The following PCM1 variants were observed in gnomAD, a reference collection of about 807,000 sequenced individuals.
PCM1 encodes the protein pericentriolar material 1.
Under a neutral mutation model 241.9 loss-of-function variants are expected in PCM1, and 157 were observed. That is an observed-to-expected ratio of 0.65 (90% CI 0.57 to 0.74). PCM1 has a LOEUF of 0.74. Among genes scored for constraint, PCM1 ranks in the 30% least tolerant of loss-of-function variants. The pLI is 0.00. For synonymous variants in PCM1, 1,085 were observed against 784.9 expected, an observed-to-expected ratio of 1.38 and a Z score of -6.39; for missense variants, 3,478 against 2,360.1, an observed-to-expected ratio of 1.47 and a Z score of -9.81.
At position 18,027,317 on chromosome 8, in the gene PCM1, T is replaced by C. The variant is rs140822138; in HGVS notation, c.6050-320T>C. Among the ~76,000 whole-genome samples, 88 of 152,348 alleles carry C rather than the reference T, an allele frequency of 5.8e-4. No homozygotes were observed. The East Asian group carries it at 0.015, about 27-fold the overall frequency. On this transcript the variant is annotated intron_variant, in intron 38 of 38. Transcript: ENST00000325083. ...ATCTGCATTGAGCATTCTGGTAATT[T>C]GTTGATATCCCCTCTTCTGTTTTCT...
chr8:17,969,643 G>C lies in PCM1; in HGVS notation c.3479G>C (p.Ser1160Thr), dbSNP rs1358072584. The part of the protein sequence containing the change: ...GDFSQNISTP[S>T]EQQQPLAQNS... ...TTTTCTCAGAATATCTCTACACCCA[G>C]TGAACAGCAGCAACCCTTAGCCCAG... The change falls in exon 22 of 39, where the codon AGT becomes ACT. Residue 1160 changes from serine (S) to threonine (T), a missense_variant. By Grantham distance (58) the Ser-to-Thr change is moderately conservative. Coordinates refer to ENST00000325083, the MANE Select transcript of PCM1 (RefSeq NM_006197.4). The C allele has an allele frequency of 2.5e-6, 4 of 1,612,476 alleles. No individual in the cohort carries two copies. Among genetic ancestry groups the C allele is most frequent in the South Asian group, 2.2e-5 (2 of 90,966 alleles).
intron 29 of PCM1, 148 bp downstream of exon 29, chr8:17,993,767 C>A: frequency 1.7e-6 from 1 of 575,190 alleles, no homozygotes; most frequent in Non-Finnish European, 2.9e-6. Context: ...TACCAACATT[C>A]TCTGAACCTT....
At chr8:18,007,008 C>T (rs2091515904) in intron 30 of PCM1, among the ~76,000 whole-genome samples, 1 of 152,118 alleles carries the variant, frequency 6.6e-6, no homozygotes, top group South Asian at 2.1e-4. Context: ...CAGGACAGTA[C>T]CCCATAGCAA....
rs373217821 is a variant in PCM1, at chr8:17,966,247, C to T, written c.3075+29C>T. The T allele has an allele frequency of 3.5e-5, 57 of 1,606,930 alleles. No individual in the cohort carries two copies. In the Middle Eastern group the frequency reaches 6.6e-4, roughly 19 times the overall value. ...AAATTTGCTATGAAAGTATATTTTT[C>T]GTCTATTTTTATAACTTCTGAAGCA... On this transcript the variant is annotated intron_variant, in intron 19 of 38. Transcript: ENST00000325083.
In PCM1 at chr8:18,028,823, T is replaced by TA. The variant is rs1370904575; in HGVS notation, c.*1168dup. 4 of 187,214 alleles carry TA rather than the reference T, an allele frequency of 2.1e-5. No individual in the cohort carries two copies. Among genetic ancestry groups the TA allele is most frequent in the South Asian group, 2.0e-4 (1 of 5,124 alleles). 11.6% of individuals were successfully genotyped at this position (187,214 alleles called of 1,614,324 possible). A position where few individuals can be genotyped will look rare whatever the true frequency, so the allele number is the denominator to read the frequency against. ...CTTTGTTAACAACTGAAATACCCCA[T>TA]AAAAAAAGAACTTGTTGAGAGTATT... On this transcript the variant is annotated 3_prime_UTR_variant, in exon 39 of 39. Coordinates refer to ENST00000325083, the MANE Select transcript of PCM1 (RefSeq NM_006197.4).
chr8:18,015,593 T>TG (rs1287664539), intron 36 of PCM1: 1 of 152,174 alleles, frequency 6.6e-6, no homozygotes, highest in Non-Finnish European at 1.5e-5. Flanking sequence ...AATAAATACT[T>TG]GCCTCTGATA....
At chr8:18,015,279 A>G (rs1192518359) in intron 36 of PCM1, among the ~76,000 whole-genome samples, 1 of 151,796 alleles carries the variant, frequency 6.6e-6, no homozygotes, top group Admixed American at 6.6e-5. Flanking sequence ...GGAAATCTGT[A>G]CTCATGATAG....
Position 18,025,541 on chromosome 8 carries a change from A to C in PCM1, c.5935-3A>C. The C allele has an allele frequency of 6.4e-7, 1 of 1,562,696 alleles. No homozygotes were observed. The highest frequency in any genetic ancestry group is 8.7e-7 in the Non-Finnish European group (1 of 1,145,354). ...ATTTGTATTTTTAATTTTCATTCCA[A>C]AGGCAGATCTAAGAAAGAAAATGGT... On this transcript the variant is annotated splice_polypyrimidine_tract_variant and splice_region_variant and intron_variant, in intron 37 of 38. Coordinates refer to ENST00000325083, the MANE Select transcript of PCM1 (RefSeq NM_006197.4).
chr8:18,000,688 C>G (rs1229220503), intron 29 of PCM1, among the ~76,000 whole-genome samples: 2 of 152,140 alleles, frequency 1.3e-5, no homozygotes, highest in Non-Finnish European at 2.9e-5. Context: ...GTGGCGCGAT[C>G]TCGGCTCACT....
At position 17,948,593 on chromosome 8, in the gene PCM1, G is replaced by A. The variant is rs116733855; in HGVS notation, c.961+1230G>A. Among the ~76,000 whole-genome samples, 1,312 of 152,062 alleles carry A rather than the reference G, an allele frequency of 8.6e-3. 16 individuals carry two copies. The highest frequency in any genetic ancestry group is 0.03 in the African/African-American group (1,256 of 41,498). The stretch of plus-strand genomic sequence containing the variant: ...GCTGGGATTACAGGCGTCAGCCACC[G>A]TGCCTGGTCAATAACTTACTCTTTT... On this transcript the variant is annotated intron_variant, in intron 7 of 38. Coordinates refer to ENST00000325083, the MANE Select transcript of PCM1 (RefSeq NM_006197.4).
rs558674520 is a variant in PCM1, at chr8:17,970,001, C to T, written c.3584+253C>T. ...GTTTTGTCTCTAATTTGATACCTGT[C>T]TTTACGGTTAAAGCAGTTTGCTGTT... On this transcript the variant is annotated intron_variant, in intron 22 of 38. Transcript: ENST00000325083. 3.3e-5 allele frequency among the ~76,000 whole-genome samples: 5 copies of T among 152,238 alleles called. No homozygotes were observed. The East Asian group carries it at 9.7e-4, about 29-fold the overall frequency.
chr8:17,972,660 C>G lies in PCM1; in HGVS notation c.3916C>G (p.Gln1306Glu). The stretch of plus-strand genomic sequence containing the variant: ...AAAAAGTAAGAAGAGGAATTCTACT[C>G]AGCTGAAAAGCAGAGTTAAAAACAT... ...KSKSKKRNST[Q>E]LKSRVKNIRY... Residue 1306 changes from glutamine (Q) to glutamate (E), a missense_variant, in exon 23 of 39, where the codon CAG becomes GAG. Gln to Glu is a conservative substitution (Grantham distance 29, BLOSUM62 2). Coordinates refer to ENST00000325083, the MANE Select transcript of PCM1 (RefSeq NM_006197.4). The G allele has an allele frequency of 6.4e-7, 1 of 1,567,444 alleles. No homozygotes were observed.
At position 18,025,442 on chromosome 8, in the gene PCM1, A is replaced by G. The variant is rs767018962; in HGVS notation, c.5923A>G (p.Ile1975Val). ...KVEDLPLKLT[I>V]YSEADLRKKM... is the part of the protein sequence containing the mutation. ...TGAAGATTTACCACTGAAACTGACA[A>G]TATATTCAGAGGTATTTAGCTGTCT... The change falls in exon 37 of 39, where the codon ATA (isoleucine) becomes GTA (valine). Residue 1975 changes from isoleucine to valine, a missense_variant. Transcript: ENST00000325083. 1.6e-5 allele frequency: 25 copies of G among 1,585,080 alleles called. No homozygotes were observed. The highest frequency in any genetic ancestry group is 6.7e-5 in the East Asian group (3 of 44,624).
At chr8:17,943,178 G>T (rs544503501) in intron 6 of PCM1, among the ~76,000 whole-genome samples, 16 of 121,226 alleles carry the variant, frequency 1.3e-4, no homozygotes, top group African/African-American at 2.2e-4. Context: ...TGGGTTTGTT[G>T]TATTTTTTTT....
chr8:17,959,999 A>T lies in PCM1; in HGVS notation c.2041-15A>T. 3.7e-6 allele frequency: 6 copies of T among 1,610,664 alleles called. No individual in the cohort carries two copies. Among genetic ancestry groups the T allele is most frequent in the Non-Finnish European group, 5.1e-6 (6 of 1,178,264 alleles). ...GAGGTATCAAGATTGTTTTAATGTAATGATGCTCTTTCAGGATGATGATGC... is the reference window on the plus strand; with the variant it reads ...GAGGTATCAAGATTGTTTTAATGTATTGATGCTCTTTCAGGATGATGATGC... On this transcript the variant is annotated splice_polypyrimidine_tract_variant and intron_variant, in intron 13 of 38. Coordinates refer to ENST00000325083, the MANE Select transcript of PCM1 (RefSeq NM_006197.4).
chr8:17,946,866 T>TGTGTGTCC (rs1325702459), intron 6 of PCM1, among the ~76,000 whole-genome samples: 4 of 151,542 alleles, frequency 2.6e-5, no homozygotes, highest in Non-Finnish European at 5.9e-5. Context: ...TGTGTGTGTG[T>TGTGTGTCC]GTGTGTCCAT....
intron 36 of PCM1, chr8:18,024,803 G>A (rs1411011867): frequency 6.6e-6 from 1 of 152,210 alleles, no homozygotes; most frequent in Non-Finnish European, 1.5e-5. Flanking sequence ...AACAGTGCAA[G>A]AAGAAGAAAA....
chr8:17,933,042 TAAGG>T (rs140047880), intron 2 of PCM1, among the ~76,000 whole-genome samples: 1,879 of 152,298 alleles, frequency 0.012, 19 homozygotes, highest in South Asian at 0.033. Flanking sequence ...GAATACCACT[TAAGG>T]AAGACTGTTA....
chr8:18,004,563 C>G (rs2090692705), intron 29 of PCM1, among the ~76,000 whole-genome samples: 1 of 152,062 alleles, frequency 6.6e-6, no homozygotes, highest in African/African-American at 2.4e-5. Context: ...GTGTCTGAGG[C>G]CAGTAAAGAG....
Sources: allele counts gnomAD v4.1 joint callset (sites outside exome capture counted in the v4.1 genomes callset), GRCh38; gene constraint gnomAD v4.1.1; transcripts MANE v1.5; gene names NCBI Gene and HGNC (gene_info 2026-07-23, HGNC 2026-07-21).